Variants in FLI1 observed in about 807,000 individuals in gnomAD.
FLI1 encodes the protein Fli-1 proto-oncogene, ETS transcription factor, also known as Friend leukemia integration 1 transcription factor.
Under a neutral mutation model 53.1 loss-of-function variants are expected in FLI1, and 13 were observed. That is an observed-to-expected ratio of 0.24 (90% CI 0.16 to 0.39). The LOEUF is 0.39. Ranked by LOEUF, FLI1 falls within the 10% of genes least tolerant of loss-of-function variation. The pLI is 1.00. For missense variants in FLI1, 424 were observed against 600.5 expected, an observed-to-expected ratio of 0.71 and a Z score of 3.07; for synonymous variants, 244 against 236.7, an observed-to-expected ratio of 1.03 and a Z score of -0.28.
At chr11:128,788,405 G>C (rs939292190) in intron 5 of FLI1, among the ~76,000 whole-genome samples, 8 of 152,182 alleles carry the variant, frequency 5.3e-5, no homozygotes, top group Admixed American at 2.6e-4. Flanking sequence ...GGAGGCGGAG[G>C]TTGCAGTGAG....
intron 5 of FLI1, among the ~76,000 whole-genome samples, chr11:128,787,464 A>G (rs1565500091): frequency 6.6e-6 from 1 of 152,150 alleles, no homozygotes; most frequent in Non-Finnish European, 1.5e-5. Context: ...TGATTCAAGC[A>G]TCTGACAACA....
upstream of FLI1, among the ~76,000 whole-genome samples, chr11:128,692,314 G>T (rs182425487): frequency 1.3e-5 from 2 of 152,266 alleles, no homozygotes; most frequent in South Asian, 2.1e-4. Context: ...CCAGGCAAAG[G>T]GGGGGACTGA....
chr11:128,749,845 C>T (rs1242974532), intron 1 of FLI1, among the ~76,000 whole-genome samples: 1 of 152,134 alleles, frequency 6.6e-6, no homozygotes, highest in Non-Finnish European at 1.5e-5. Flanking sequence ...GCAAGAAATG[C>T]GCACATGTAG....
At chr11:128,797,899 C>A (rs1409452582) in intron 5 of FLI1, among the ~76,000 whole-genome samples, 4 of 152,082 alleles carry the variant, frequency 2.6e-5, no homozygotes, top group African/African-American at 9.7e-5. Flanking sequence ...GCAGTAGACA[C>A]AAGACAACTC....
chr11:128,757,097 T>TTTCTTTCC (rs1565484401), intron 1 of FLI1, among the ~76,000 whole-genome samples: 1 of 132,040 alleles, frequency 7.6e-6, no homozygotes, highest in Non-Finnish European at 1.6e-5. Flanking sequence ...TCTTTCTTTC[T>TTTCTTTCC]TTCTTTCTTT....
chr11:128,790,345 G>A (rs1336464135), intron 5 of FLI1, among the ~76,000 whole-genome samples: 4 of 151,274 alleles, frequency 2.6e-5, no homozygotes, highest in Non-Finnish European at 4.4e-5. Flanking sequence ...AACAGAGATC[G>A]GGGGAGGAGG....
chr11:128,705,058 C>G (rs1400272487), intron 1 of FLI1, among the ~76,000 whole-genome samples: 1 of 152,232 alleles, frequency 6.6e-6, no homozygotes, highest in East Asian at 1.9e-4. Context: ...ATCCTGCTTA[C>G]TTCCAAATTC....
At chr11:128,772,061 C>T (rs1041964559) in intron 3 of FLI1, among the ~76,000 whole-genome samples, 5 of 149,970 alleles carry the variant, frequency 3.3e-5, no homozygotes, top group Non-Finnish European at 5.9e-5. Context: ...CACACACACA[C>T]ACACACACAC....
At chr11:128,746,840 G>A (rs1940411966) in intron 1 of FLI1, among the ~76,000 whole-genome samples, 1 of 152,114 alleles carries the variant, frequency 6.6e-6, no homozygotes. Flanking sequence ...CCAGGAGCTG[G>A]GAGATTAAGT....
Position 128,764,102 on chromosome 11 carries a change from C to T in FLI1, c.231-4016C>T, listed in dbSNP as rs79977775. 4.4e-3 allele frequency among the ~76,000 whole-genome samples: 669 copies of T among 152,204 alleles called. 11 individuals are homozygous for T. The highest frequency in any genetic ancestry group is 0.024 in the Admixed American group (374 of 15,292). On this transcript the variant is annotated intron_variant, in intron 2 of 8. Transcript: ENST00000527786. ...GACAGTGAGCCTGGGCTCAGATGTG[C>T]GGGTCTGATGATATACCCAAGTTCA... is the stretch of plus-strand genomic sequence containing the variant.
At chr11:128,765,706 C>T (rs1410898183) in intron 2 of FLI1, among the ~76,000 whole-genome samples, 1 of 152,246 alleles carries the variant, frequency 6.6e-6, no homozygotes, top group Non-Finnish European at 1.5e-5. Flanking sequence ...CAAACTTCTG[C>T]AGCACTTGGA....
intron 1 of FLI1, among the ~76,000 whole-genome samples, chr11:128,751,868 A>G (rs552189877): frequency 4.9e-4 from 70 of 141,726 alleles, no homozygotes; most frequent in African/African-American, 1.9e-3. Context: ...ATGCCACGTT[A>G]CCTAGGCTGG....
intron 5 of FLI1, among the ~76,000 whole-genome samples, chr11:128,792,129 C>G (rs1203020865): frequency 6.6e-6 from 1 of 152,146 alleles, no homozygotes; most frequent in African/African-American, 2.4e-5. Context: ...CCCATTTTAC[C>G]TGAATCACAG....
At chr11:128,768,577 T>C (rs1446000810) in intron 3 of FLI1, 1 of 317,712 alleles carries the variant, frequency 3.1e-6, no homozygotes, top group African/African-American at 2.2e-5. Flanking sequence ...TATTCCCAGC[T>C]ACTCAGGGGG....
At chr11:128,808,325 A>G (rs1489715473) in intron 7 of FLI1, among the ~76,000 whole-genome samples, 1 of 152,230 alleles carries the variant, frequency 6.6e-6, no homozygotes, top group Non-Finnish European at 1.5e-5. Flanking sequence ...GCAAAATTTT[A>G]CAAAATACAT....
chr11:128,750,743 A>G (rs1940609216), intron 1 of FLI1, among the ~76,000 whole-genome samples: 1 of 152,252 alleles, frequency 6.6e-6, no homozygotes, highest in Non-Finnish European at 1.5e-5. Context: ...ATGAAAAGTA[A>G]CATTTGACTT....
Position 128,810,917 on chromosome 11 carries a change from A to G in FLI1, c.1288A>G (p.Ile430Val), listed in dbSNP as rs1327859525. 3.7e-6 allele frequency: 6 copies of G among 1,613,906 alleles called. No homozygotes were observed. The highest frequency in any genetic ancestry group is 5.1e-6 in the Non-Finnish European group (6 of 1,179,798). Residue 430 changes from isoleucine to valine, a missense_variant, in exon 9 of 9, where the codon ATC (isoleucine) becomes GTC (valine). By Grantham distance (29) the Ile-to-Val change is conservative. This residue lies in a region of FLI1 where 87 missense variants were observed against 100.0 expected (regional missense o/e 0.87). Transcript: ENST00000527786. The surrounding 1 kb of genome is among the most constrained non-coding windows in gnomAD (Gnocchi z 6.6). ...ATACTGGACCTCCCCCACGGGGGGAATCTACCCCAACCCCAACGTCCCCCG... is the reference window on the plus strand; with the variant it reads ...ATACTGGACCTCCCCCACGGGGGGAGTCTACCCCAACCCCAACGTCCCCCG... ...SQYWTSPTGG[I>V]YPNPNVPRHP...
chr11:128,749,818 C>T (rs764038285), intron 1 of FLI1, among the ~76,000 whole-genome samples: 4 of 152,156 alleles, frequency 2.6e-5, no homozygotes, highest in East Asian at 1.9e-4. Flanking sequence ...CTGCCCTTTA[C>T]GCAGTGGAAA....
intron 2 of FLI1, among the ~76,000 whole-genome samples, 167 bp from the exon 3 acceptor site, chr11:128,767,951 G>A (rs552593502): frequency 6.6e-6 from 1 of 152,296 alleles, no homozygotes; most frequent in Non-Finnish European, 1.5e-5. Flanking sequence ...AAACTCTGGT[G>A]GCAGCATGGA....
Sources: gnomAD v4.1 joint callset for allele counts (sites outside exome capture counted in the v4.1 genomes callset) on GRCh38, gnomAD v4.1.1 for gene constraint, gnomAD v4.1.1 regional missense constraint, Gnocchi (gnomAD v3.1) non-coding constraint, MANE v1.5 for transcripts, NCBI Gene and HGNC (gene_info 2026-07-23, HGNC 2026-07-21) for gene names.